The following GALNTL6 variants were observed in gnomAD, a reference collection of about 807,000 sequenced individuals.
GALNTL6 encodes the protein polypeptide N-acetylgalactosaminyltransferase like 6.
A neutral mutation model predicts 73.7 loss-of-function variants in GALNTL6; 46 were observed. That is an observed-to-expected ratio of 0.62 (90% CI 0.49 to 0.80). GALNTL6 has a LOEUF of 0.80. Among genes scored for constraint, GALNTL6 ranks in the 30% least tolerant of loss-of-function variants. GALNTL6 has a pLI of 0.00. For missense variants in GALNTL6, 604 were observed against 755.0 expected, an observed-to-expected ratio of 0.80 and a Z score of 2.34; for synonymous variants, 259 against 263.7, an observed-to-expected ratio of 0.98 and a Z score of 0.17.
chr4:172,565,368 A>T (rs1034582331), intron 5 of GALNTL6, among the ~76,000 whole-genome samples: 1 of 152,104 alleles, frequency 6.6e-6, no homozygotes, highest in African/African-American at 2.4e-5. Flanking sequence ...TGTGATTTTT[A>T]TCCTTCATTC....
intron 4 of GALNTL6, among the ~76,000 whole-genome samples, chr4:172,347,864 C>T (rs775289676): frequency 2.0e-5 from 3 of 152,024 alleles, no homozygotes; most frequent in Non-Finnish European, 4.4e-5. Flanking sequence ...ACTTCTTTTT[C>T]ATCTTCTCAG....
At chr4:172,011,040 G>A (rs1740990687) in intron 2 of GALNTL6, among the ~76,000 whole-genome samples, 2 of 152,044 alleles carry the variant, frequency 1.3e-5, no homozygotes. Context: ...TTTGTCAAAT[G>A]TATACTACTA....
At position 172,788,057 on chromosome 4, in the gene GALNTL6, A is replaced by C. The variant is rs192435953; in HGVS notation, c.554-21304A>C. 3.1e-3 allele frequency among the ~76,000 whole-genome samples: 476 copies of C among 152,278 alleles called. 3 individuals carry two copies. Among genetic ancestry groups the C allele is most frequent in the African/African-American group, 0.011 (449 of 41,556 alleles). On this transcript the variant is annotated intron_variant, in intron 5 of 12. Coordinates refer to ENST00000506823, the MANE Select transcript of GALNTL6 (RefSeq NM_001034845.3). ...TTGAAAATGTTTATAGCTAAAGAGA[A>C]GGAGCAGGCTGGGCATGGTGGTGCA... is the stretch of plus-strand genomic sequence containing the variant.
At chr4:172,981,152 G>A (rs1345722508) in intron 10 of GALNTL6, among the ~76,000 whole-genome samples, 1 of 152,302 alleles carries the variant, frequency 6.6e-6, no homozygotes, top group African/African-American at 2.4e-5. Context: ...TAATGCTGCT[G>A]TGTACATAGG....
chr4:171,822,785 T>C (rs1297971489), intron 2 of GALNTL6, among the ~76,000 whole-genome samples: 6 of 152,226 alleles, frequency 3.9e-5, no homozygotes, highest in Non-Finnish European at 8.8e-5. Flanking sequence ...AATCTATTAG[T>C]TTAAAAAGGC....
At chr4:172,204,337 T>C (rs1736044181) in intron 2 of GALNTL6, among the ~76,000 whole-genome samples, 1 of 152,194 alleles carries the variant, frequency 6.6e-6, no homozygotes, top group Admixed American at 6.5e-5. Context: ...GTAAGTCTTT[T>C]CTATCATTAA....
intron 5 of GALNTL6, among the ~76,000 whole-genome samples, chr4:172,663,834 G>A (rs1177278287): frequency 6.6e-6 from 1 of 151,834 alleles, no homozygotes; most frequent in Non-Finnish European, 1.5e-5. Flanking sequence ...GGAGGCTGAG[G>A]CATGAGAATC....
intron 5 of GALNTL6, among the ~76,000 whole-genome samples, chr4:172,515,345 C>T (rs1360305105): frequency 2.6e-5 from 4 of 152,228 alleles, no homozygotes; most frequent in Admixed American, 2.0e-4. Context: ...GATATCTGTT[C>T]GCATCCTGTA....
At chr4:172,107,287 T>C (rs1404139381) in intron 2 of GALNTL6, among the ~76,000 whole-genome samples, 1 of 152,218 alleles carries the variant, frequency 6.6e-6, no homozygotes, top group African/African-American at 2.4e-5. Flanking sequence ...TCACAAAACC[T>C]GTATGTAGTA....
At chr4:172,228,100 G>A (rs1356742132) in intron 2 of GALNTL6, among the ~76,000 whole-genome samples, 1 of 152,012 alleles carries the variant, frequency 6.6e-6, no homozygotes, top group Non-Finnish European at 1.5e-5. Context: ...GTATAGCTGA[G>A]TTCAAAAATT....
intron 2 of GALNTL6, among the ~76,000 whole-genome samples, chr4:171,985,485 C>T (rs1740042856): frequency 6.6e-6 from 1 of 152,138 alleles, no homozygotes; most frequent in African/African-American, 2.4e-5. Context: ...GGTGAGGACA[C>T]AGCCAAGTTT....
At chr4:172,299,425 G>T (rs2111117720) in intron 3 of GALNTL6, among the ~76,000 whole-genome samples, 1 of 152,186 alleles carries the variant, frequency 6.6e-6, no homozygotes, top group East Asian at 1.9e-4. Context: ...GAATGTGTTT[G>T]CTCTTGCTTC....
chr4:172,876,376 GCCTTATT>G (rs1180598617), intron 7 of GALNTL6, among the ~76,000 whole-genome samples: 1 of 152,072 alleles, frequency 6.6e-6, no homozygotes. Context: ...TAACTAGTTG[GCCTTATT>G]CCTTTTCTAC....
intron 2 of GALNTL6, among the ~76,000 whole-genome samples, chr4:172,037,086 A>G (rs569587511): frequency 6.6e-6 from 1 of 152,244 alleles, no homozygotes; most frequent in East Asian, 1.9e-4. Context: ...TTGGCTATGG[A>G]CTATATGTAT....
chr4:172,725,405 A>G (rs1326436829), intron 5 of GALNTL6, among the ~76,000 whole-genome samples: 2 of 152,176 alleles, frequency 1.3e-5, no homozygotes, highest in Admixed American at 6.5e-5. Context: ...GTCAGGAAAA[A>G]TATTACTCCT....
At chr4:171,986,160 CT>C in intron 2 of GALNTL6, among the ~76,000 whole-genome samples, 1 of 151,584 alleles carries the variant, frequency 6.6e-6, no homozygotes, top group Middle Eastern at 3.5e-3. Flanking sequence ...AGCAATAAAG[CT>C]GTTTATTTCA....
Position 172,094,047 on chromosome 4 carries a change from G to T in GALNTL6, c.139-135609G>T, listed in dbSNP as rs368595297. On this transcript the variant is annotated intron_variant, in intron 2 of 12. Transcript: ENST00000506823. ...CAAAACCAGTCCCTGGTGCCAAAAA[G>T]GTTGGGGACCGCTGACATAGATTAG... is the stretch of plus-strand genomic sequence containing the variant. 1.1e-3 allele frequency among the ~76,000 whole-genome samples: 174 copies of T among 152,276 alleles called. 1 individual carries two copies. Among genetic ancestry groups the T allele is most frequent in the African/African-American group, 4.0e-3 (165 of 41,558 alleles).
chr4:172,192,301 G>T (rs1007741064), intron 2 of GALNTL6, among the ~76,000 whole-genome samples: 1 of 152,048 alleles, frequency 6.6e-6, no homozygotes, highest in Non-Finnish European at 1.5e-5. Flanking sequence ...CAAAGACTTT[G>T]ACAGACAATG....
intron 2 of GALNTL6, among the ~76,000 whole-genome samples, chr4:172,097,295 A>G (rs1732382897): frequency 6.6e-6 from 1 of 152,166 alleles, no homozygotes; most frequent in Non-Finnish European, 1.5e-5. Context: ...ACGAAGTGCT[A>G]TCTCTCAATA....
Sources: gnomAD v4.1 joint callset for allele counts (sites outside exome capture counted in the v4.1 genomes callset) on GRCh38, gnomAD v4.1.1 for gene constraint, MANE v1.5 for transcripts, NCBI Gene and HGNC (gene_info 2026-07-23, HGNC 2026-07-21) for gene names.